The following BEND7 variants were observed in gnomAD, a reference collection of about 807,000 sequenced individuals.
BEND7 encodes the protein BEN domain-containing protein 7.
BEND7 carries 28 observed loss-of-function variants against 50.9 expected under a neutral mutation model. The ratio of observed to expected loss-of-function variants is 0.55; its 90% CI spans 0.41 to 0.75. The LOEUF (loss-of-function observed/expected upper bound fraction) is 0.75, where lower values mean the gene tolerates loss of function less well. Among genes scored for constraint, BEND7 ranks in the 30% least tolerant of loss-of-function variants. BEND7 has a pLI of 0.00. For synonymous variants in BEND7, 170 were observed against 183.9 expected, an observed-to-expected ratio of 0.92 and a Z score of 0.61; for missense variants, 477 against 491.3, an observed-to-expected ratio of 0.97 and a Z score of 0.28.
At chr10:13,473,071 G>A (rs947584293) in intron 6 of BEND7, among the ~76,000 whole-genome samples, 1 of 151,592 alleles carries the variant, frequency 6.6e-6, no homozygotes, top group Non-Finnish European at 1.5e-5. Flanking sequence ...TCGCTATTAA[G>A]AGTAGGGACT....
chr10:13,447,306 G>T lies in BEND7; in HGVS notation c.1194C>A (p.Asp398Glu), dbSNP rs777458706. ...RRLKRGSEIADSDERLDGIAL... is the reference protein window; with the variant it reads ...RRLKRGSEIAESDERLDGIAL... ...CAATGCCGTCCAGTCTTTCATCACT[G>T]TCCGCGATCTCTGCTGGTTACAAAC... The change falls in exon 8 of 9, where the codon GAC becomes GAA. Residue 398 changes from aspartate (D) to glutamate (E), a missense_variant. Transcript: ENST00000466271. 6.2e-7 allele frequency: 1 copy of T among 1,614,054 alleles called. No individual in the cohort carries two copies. Among genetic ancestry groups the T allele is most frequent in the Non-Finnish European group, 8.5e-7 (1 of 1,180,000 alleles).
intron 5 of BEND7, among the ~76,000 whole-genome samples, chr10:13,490,188 G>T (rs562100961): frequency 6.6e-6 from 1 of 152,058 alleles, no homozygotes; most frequent in African/African-American, 2.4e-5. Flanking sequence ...GAGTCACAAC[G>T]CAAAAAGGGA....
intron 5 of BEND7, among the ~76,000 whole-genome samples, chr10:13,482,332 G>A (rs1157774727): frequency 1.3e-5 from 2 of 152,162 alleles, no homozygotes; most frequent in African/African-American, 4.8e-5. Flanking sequence ...GTAAACTGTT[G>A]TTAGGAAAAA....
At chr10:13,497,364 T>A (rs2077097208) in intron 3 of BEND7, among the ~76,000 whole-genome samples, 1 of 152,228 alleles carries the variant, frequency 6.6e-6, no homozygotes, top group African/African-American at 2.4e-5. Context: ...TTAAGCACAT[T>A]ATTTCAAAAA....
At chr10:13,525,139 G>C (rs1201020425) in intron 2 of BEND7, among the ~76,000 whole-genome samples, 1 of 152,094 alleles carries the variant, frequency 6.6e-6, no homozygotes, top group Non-Finnish European at 1.5e-5. Flanking sequence ...GTGCAGTGCT[G>C]TGCCCTCACC....
At chr10:13,474,752 T>G (rs2075302348) in intron 6 of BEND7, among the ~76,000 whole-genome samples, 1 of 152,222 alleles carries the variant, frequency 6.6e-6, no homozygotes, top group African/African-American at 2.4e-5. Context: ...TCATCGCTGT[T>G]AGACTTGGGT....
At chr10:13,500,855 C>T (rs756325379) in intron 2 of BEND7, 1,245 of 985,356 alleles carry the variant, frequency 1.3e-3, no homozygotes, top group Middle Eastern at 1.6e-3. Context: ...GAAGTGCAAC[C>T]TCCCCACCGT....
At chr10:13,472,827 C>T (rs573549353) in intron 6 of BEND7, among the ~76,000 whole-genome samples, 15 of 146,990 alleles carry the variant, frequency 1.0e-4, no homozygotes, top group African/African-American at 3.0e-4. Flanking sequence ...CTGTTAGACT[C>T]GGGGTTGATA....
chr10:13,453,043 T>C (rs7092928), intron 6 of BEND7, among the ~76,000 whole-genome samples: 47,378 of 152,150 alleles, frequency 0.31, 8,653 homozygotes, highest in East Asian at 0.68. Context: ...CAATTCAAAA[T>C]TGAACGCAAA....
chr10:13,527,007 GTTC>G (rs2079489405), intron 1 of BEND7, among the ~76,000 whole-genome samples: 1 of 152,188 alleles, frequency 6.6e-6, no homozygotes, highest in African/African-American at 2.4e-5. Flanking sequence ...GAAAATAGAG[GTTC>G]CTCCTTAACA....
At chr10:13,528,010 C>T (rs1408929438) in intron 1 of BEND7, among the ~76,000 whole-genome samples, 3 of 152,190 alleles carry the variant, frequency 2.0e-5, no homozygotes, top group Non-Finnish European at 2.9e-5. Context: ...TGGGCTTGGA[C>T]ACGGCGTGAG....
At chr10:13,504,957 G>A (rs1051649012) in intron 2 of BEND7, among the ~76,000 whole-genome samples, 3 of 152,156 alleles carry the variant, frequency 2.0e-5, no homozygotes, top group African/African-American at 4.8e-5. Context: ...GGGCAACACA[G>A]AAGTCAACAC....
intron 2 of BEND7, among the ~76,000 whole-genome samples, chr10:13,514,232 A>G (rs1589038160): frequency 6.6e-6 from 1 of 152,326 alleles, no homozygotes; most frequent in South Asian, 2.1e-4. Context: ...GCTTCAATAA[A>G]TATCTACAAT....
rs2079573350 is a variant in BEND7 at position 13,528,749 on chromosome 10, C to G, written c.-216G>C. On this transcript the variant is annotated 5_prime_UTR_variant, in exon 1 of 9. Transcript: ENST00000466271. ...GGCGCGGGGCCCGGCGGCGTGGGCTCCCGGGCGAAGTTGCCCCCGCGCGGC... is the reference window on the plus strand; with the variant it reads ...GGCGCGGGGCCCGGCGGCGTGGGCTGCCGGGCGAAGTTGCCCCCGCGCGGC... 1 of 149,490 alleles carries G rather than the reference C, an allele frequency of 6.7e-6. No individual in the cohort carries two copies. Among genetic ancestry groups the G allele is most frequent in the African/African-American group, 2.4e-5 (1 of 40,832 alleles). 9.3% of individuals were successfully genotyped at this position (149,490 alleles called of 1,614,324 possible). A position where few individuals can be genotyped will look rare whatever the true frequency, so the allele number is the denominator to read the frequency against.
intron 6 of BEND7, among the ~76,000 whole-genome samples, chr10:13,457,518 T>C (rs529342701): frequency 3.5e-4 from 54 of 152,304 alleles, no homozygotes; most frequent in Middle Eastern, 3.4e-3. Flanking sequence ...CCTATACAAA[T>C]AAGTACTTCC....
chr10:13,514,708 C>T (rs993109065), intron 2 of BEND7, among the ~76,000 whole-genome samples: 1 of 152,162 alleles, frequency 6.6e-6, no homozygotes, highest in Non-Finnish European at 1.5e-5. Flanking sequence ...AATATTCCTG[C>T]AGCAACTCCT....
At chr10:13,496,162 A>T (rs1316392358) in intron 4 of BEND7, among the ~76,000 whole-genome samples, 1 of 152,242 alleles carries the variant, frequency 6.6e-6, no homozygotes, top group Non-Finnish European at 1.5e-5. Flanking sequence ...TGAGTTAGAT[A>T]TGAATTCTCC....
At position 13,492,652 on chromosome 10, in the gene BEND7, C is replaced by T. The variant is rs143653099; in HGVS notation, c.796G>A (p.Val266Ile). 1.0e-3 allele frequency: 1,669 copies of T among 1,614,016 alleles called. 1 individual carries two copies. The highest frequency in any genetic ancestry group is 1.3e-3 in the Middle Eastern group (8 of 6,060). The change falls in exon 5 of 9, where the codon GTT (valine) becomes ATT (isoleucine). Residue 266 changes from valine to isoleucine, a missense_variant. This residue lies in a region of BEND7 where 396 missense variants were observed against 384.2 expected (regional missense o/e 1.03). Coordinates refer to ENST00000466271, the MANE Select transcript of BEND7 (RefSeq NM_001369863.1). ...TCCAGAACAATGCCGAATCCTAGAA[C>T]GCGGCTCTCCTCCGGGGAGGTGTGC... The part of the protein sequence containing the change: ...AEHTSPEESR[V>I]LGFGIVLESP...
intron 7 of BEND7, among the ~76,000 whole-genome samples, chr10:13,450,622 C>T (rs76887981): frequency 6.6e-6 from 1 of 152,148 alleles, no homozygotes. Flanking sequence ...GTTAATAGAA[C>T]CTGCTAGGAA....
Sources: allele counts gnomAD v4.1 joint callset (sites outside exome capture counted in the v4.1 genomes callset), GRCh38; gene constraint gnomAD v4.1.1; regional missense constraint gnomAD v4.1.1; transcripts MANE v1.5; gene names NCBI Gene and HGNC (gene_info 2026-07-23, HGNC 2026-07-21).